Variants in DLG2 observed in about 807,000 individuals in gnomAD.
The protein encoded by DLG2 is discs large MAGUK scaffold protein 2.
Under a neutral mutation model 132.5 loss-of-function variants are expected in DLG2, and 45 were observed. The observed-to-expected ratio is 0.34, with a 90% confidence interval of 0.27 to 0.44. The LOEUF is 0.44. DLG2 is among the 20% of genes least tolerant of loss of function. DLG2 has a pLI of 1.00. For synonymous variants in DLG2, 424 were observed against 419.6 expected, an observed-to-expected ratio of 1.01 and a Z score of -0.13; for missense variants, 1,045 against 1,196.9, an observed-to-expected ratio of 0.87 and a Z score of 1.87.
intron 9 of DLG2, among the ~76,000 whole-genome samples, chr11:84,117,829 T>C (rs2093706610): frequency 6.6e-6 from 1 of 152,124 alleles, no homozygotes; most frequent in Non-Finnish European, 1.5e-5. Flanking sequence ...GATATTATTA[T>C]CGTAAGCATT....
chr11:84,362,972 A>C (rs372447142), intron 7 of DLG2, among the ~76,000 whole-genome samples: 1 of 151,850 alleles, frequency 6.6e-6, no homozygotes, highest in South Asian at 2.1e-4. Context: ...ATAAACATAC[A>C]TGTGCATGTG....
intron 18 of DLG2, among the ~76,000 whole-genome samples, chr11:83,759,020 T>C (rs2093777764): frequency 6.6e-6 from 1 of 152,200 alleles, no homozygotes; most frequent in African/African-American, 2.4e-5. Flanking sequence ...GATGGCTTCA[T>C]TCATTCAATC....
At chr11:85,233,600 T>A in intron 4 of DLG2, among the ~76,000 whole-genome samples, 1 of 151,756 alleles carries the variant, frequency 6.6e-6, no homozygotes, top group East Asian at 1.9e-4. Flanking sequence ...TTACCAGAGA[T>A]AAAGGGGACA....
intron 6 of DLG2, among the ~76,000 whole-genome samples, chr11:84,807,896 A>G (rs1192385911): frequency 6.6e-6 from 1 of 152,182 alleles, no homozygotes; most frequent in Non-Finnish European, 1.5e-5. Context: ...ACACATAATT[A>G]TAATTGGAGA....
intron 3 of DLG2, among the ~76,000 whole-genome samples, chr11:85,498,423 C>A (rs1047642151): frequency 6.6e-6 from 1 of 152,204 alleles, no homozygotes; most frequent in Non-Finnish European, 1.5e-5. Flanking sequence ...CACCCAGATT[C>A]ATAAAGCAAG....
chr11:85,115,535 A>G (rs1334308374), intron 5 of DLG2, among the ~76,000 whole-genome samples: 1 of 152,052 alleles, frequency 6.6e-6, no homozygotes, highest in African/African-American at 2.4e-5. Context: ...CAGATCAAAA[A>G]TATTCACTGC....
intron 3 of DLG2, among the ~76,000 whole-genome samples, chr11:85,432,881 T>C (rs756800772): frequency 5.3e-5 from 8 of 151,458 alleles, no homozygotes; most frequent in Non-Finnish European, 1.2e-4. Context: ...TTCCCCAAGC[T>C]CAAAATGAAG....
intron 3 of DLG2, among the ~76,000 whole-genome samples, chr11:85,461,174 A>G (rs2092598030): frequency 6.6e-6 from 1 of 152,212 alleles, no homozygotes; most frequent in Non-Finnish European, 1.5e-5. Flanking sequence ...GCTGTAGAGT[A>G]CATATATATT....
intron 27 of DLG2, 61 bp from the exon 28 acceptor site, chr11:83,459,985 C>A: frequency 1.1e-6 from 1 of 940,886 alleles, no homozygotes; most frequent in South Asian, 1.5e-5. Flanking sequence ...GAAGAACAAT[C>A]ATCACTTACA....
At chr11:83,826,031 C>G (rs558789230) in intron 17 of DLG2, among the ~76,000 whole-genome samples, 4 of 152,296 alleles carry the variant, frequency 2.6e-5, no homozygotes, top group African/African-American at 9.6e-5. Context: ...GGGCCAGACT[C>G]TGCAAAATTC....
chr11:84,883,478 T>C (rs2154056034), intron 6 of DLG2, among the ~76,000 whole-genome samples: 1 of 151,774 alleles, frequency 6.6e-6, no homozygotes, highest in South Asian at 2.1e-4. Flanking sequence ...AAAAATAAAA[T>C]AAAATACATC....
intron 6 of DLG2, among the ~76,000 whole-genome samples, chr11:84,834,739 T>G (rs2079499436): frequency 6.6e-6 from 1 of 150,742 alleles, no homozygotes; most frequent in South Asian, 2.1e-4. Flanking sequence ...TAAGATACAC[T>G]GTATGAGATT....
intron 7 of DLG2, among the ~76,000 whole-genome samples, chr11:84,311,052 AT>A (rs201141968): frequency 2.2e-4 from 33 of 151,698 alleles, no homozygotes; most frequent in Non-Finnish European, 3.2e-4. Flanking sequence ...ATTTTACATG[AT>A]TTTTTTTTCT....
chr11:84,485,115 T>C (rs997199212), intron 7 of DLG2, among the ~76,000 whole-genome samples: 8 of 152,162 alleles, frequency 5.3e-5, no homozygotes, highest in African/African-American at 1.9e-4. Context: ...TCAGGTATTC[T>C]AGGTCCAGAG....
chr11:83,568,768 A>G (rs1473377259), intron 19 of DLG2, among the ~76,000 whole-genome samples: 2 of 152,172 alleles, frequency 1.3e-5, no homozygotes, highest in Non-Finnish European at 2.9e-5. Context: ...AGATAATTCT[A>G]TCTCTCATCC....
At chr11:83,831,476 G>A (rs2054490509) in intron 17 of DLG2, among the ~76,000 whole-genome samples, 3 of 151,920 alleles carry the variant, frequency 2.0e-5, no homozygotes. Context: ...CCTTACTAAA[G>A]TCAACTGACT....
At chr11:83,657,755 T>C (rs1591862326) in intron 18 of DLG2, among the ~76,000 whole-genome samples, 2 of 152,198 alleles carry the variant, frequency 1.3e-5, no homozygotes, top group South Asian at 2.1e-4. Context: ...TTAGCCAGGA[T>C]GGTCTCAATC....
At chr11:85,344,095 C>CA (rs71036470) in intron 3 of DLG2, among the ~76,000 whole-genome samples, 2 of 152,182 alleles carry the variant, frequency 1.3e-5, no homozygotes, top group African/African-American at 2.4e-5. Context: ...GTTCTCCCCC[C>CA]ATTGTGTGTT....
intron 2 of DLG2, among the ~76,000 whole-genome samples, chr11:85,612,381 G>A (rs926242976): frequency 6.6e-5 from 10 of 152,302 alleles, no homozygotes; most frequent in South Asian, 2.1e-4. Flanking sequence ...GTTCCTCCCA[G>A]GCAAGTAAGG....
Sources: allele counts gnomAD v4.1 joint callset (sites outside exome capture counted in the v4.1 genomes callset), GRCh38; gene constraint gnomAD v4.1.1; transcripts MANE v1.5; gene names NCBI Gene and HGNC (gene_info 2026-07-23, HGNC 2026-07-21).